SLC35F1: variants seen among roughly 807,000 people sequenced by gnomAD.
SLC35F1 encodes solute carrier family 35 member F1, also known as chromosome 6 open reading frame 169.
Under a neutral mutation model 48.7 loss-of-function variants are expected in SLC35F1, and 14 were observed. The observed-to-expected ratio is 0.29, with a 90% CI of 0.19 to 0.45. The LOEUF (loss-of-function observed/expected upper bound fraction) is 0.45, where lower values mean the gene tolerates loss of function less well. Ranked by LOEUF, SLC35F1 falls within the 20% of genes least tolerant of loss-of-function variation. The pLI is 1.00. For synonymous variants in SLC35F1, 190 were observed against 202.2 expected (o/e 0.94, Z 0.51); for missense variants, 404 against 500.0 (o/e 0.81, Z 1.83).
At chr6:118,072,368 T>G (rs977657069) in intron 1 of SLC35F1, among the ~76,000 whole-genome samples, 2 of 151,988 alleles carry the variant, frequency 1.3e-5, no homozygotes, top group Non-Finnish European at 2.9e-5. Context: ...ATCGAGACCA[T>G]CCTGGCTAAC....
intron 1 of SLC35F1, among the ~76,000 whole-genome samples, chr6:117,966,388 C>A (rs531003235): frequency 6.6e-6 from 1 of 151,776 alleles, no homozygotes; most frequent in Non-Finnish European, 1.5e-5. Context: ...CTGTAACACT[C>A]GCCGCGAAGA....
chr6:118,003,506 C>G (rs138265654), intron 1 of SLC35F1, among the ~76,000 whole-genome samples: 87 of 152,274 alleles, frequency 5.7e-4, no homozygotes, highest in African/African-American at 2.0e-3. Flanking sequence ...TTATTGAGGT[C>G]TGGGCACTAA....
rs1467935461 is a variant in SLC35F1 at position 117,907,298 on chromosome 6, G to A, written c.-429G>A. ...AGCTTTCCGACCGAGCGGGGCACAGGCTGAGGCGGCGCCAGCACAACTGCC... is the reference window on the plus strand; with the variant it reads ...AGCTTTCCGACCGAGCGGGGCACAGACTGAGGCGGCGCCAGCACAACTGCC... On this transcript the variant is annotated 5_prime_UTR_variant, in exon 1 of 8. Transcript: ENST00000360388. Among the ~76,000 whole-genome samples, 1 of 150,950 alleles carries A rather than the reference G, an allele frequency of 6.6e-6. No homozygotes were observed. The highest frequency in any genetic ancestry group is 2.4e-5 in the African/African-American group (1 of 41,258).
chr6:118,008,589 T>C (rs1777205446), intron 1 of SLC35F1, among the ~76,000 whole-genome samples: 1 of 152,206 alleles, frequency 6.6e-6, no homozygotes, highest in Admixed American at 6.5e-5. Flanking sequence ...TATGGAGCCA[T>C]TTAATAATAT....
At chr6:118,098,753 T>C (rs947410445) in intron 1 of SLC35F1, among the ~76,000 whole-genome samples, 2 of 152,214 alleles carry the variant, frequency 1.3e-5, no homozygotes, top group Admixed American at 6.5e-5. Context: ...GATGTGGACT[T>C]TATGTATAAT....
Position 117,927,511 on chromosome 6 carries a change from GAGA to G in SLC35F1, c.173+19615_173+19617del, listed in dbSNP as rs1776044109. Among the ~76,000 whole-genome samples the G allele has an allele frequency of 3.3e-5, 5 of 152,160 alleles. No individual in the cohort carries two copies. The South Asian group carries it at 6.2e-4, about 19-fold the overall frequency. On this transcript the variant is annotated intron_variant, in intron 1 of 7. Coordinates refer to ENST00000360388, the MANE Select transcript of SLC35F1 (RefSeq NM_001029858.4). ...GCGTGTTGACCTCACAGGGCAGGGA[GAGA>G]AGGAGTCTTATCCCTGGGAGATGCT...
chr6:118,072,928 G>A (rs1053370332), intron 1 of SLC35F1, among the ~76,000 whole-genome samples: 8 of 152,164 alleles, frequency 5.3e-5, no homozygotes, highest in Non-Finnish European at 7.3e-5. Flanking sequence ...CTAATTGGAG[G>A]TGGAGTAGGG....
At chr6:118,172,022 A>G (rs1422816042) in intron 2 of SLC35F1, among the ~76,000 whole-genome samples, 1 of 152,180 alleles carries the variant, frequency 6.6e-6, no homozygotes, top group Non-Finnish European at 1.5e-5. Context: ...GGCTATTAAT[A>G]CTACCCAAGC....
At chr6:118,026,467 T>G (rs549823637) in intron 1 of SLC35F1, among the ~76,000 whole-genome samples, 2 of 152,358 alleles carry the variant, frequency 1.3e-5, no homozygotes, top group East Asian at 3.9e-4. Context: ...GAAAAAAGAC[T>G]ATTCTGACTT....
At chr6:118,000,445 A>G (rs1777074662) in intron 1 of SLC35F1, among the ~76,000 whole-genome samples, 1 of 152,206 alleles carries the variant, frequency 6.6e-6, no homozygotes, top group Non-Finnish European at 1.5e-5. Context: ...GATGGGACAT[A>G]TCTCAAAATA....
At chr6:117,963,790 A>T (rs1244739550) in intron 1 of SLC35F1, among the ~76,000 whole-genome samples, 1 of 151,588 alleles carries the variant, frequency 6.6e-6, no homozygotes, top group Non-Finnish European at 1.5e-5. Context: ...CCACCACTTT[A>T]TTTTTTTTAA....
At chr6:117,974,126 C>T (rs1776677493) in intron 1 of SLC35F1, among the ~76,000 whole-genome samples, 1 of 152,138 alleles carries the variant, frequency 6.6e-6, no homozygotes, top group Non-Finnish European at 1.5e-5. Context: ...CCCCAGTTTC[C>T]TCATCCATGA....
intron 2 of SLC35F1, among the ~76,000 whole-genome samples, chr6:118,210,296 A>G (rs1436230638): frequency 2.6e-5 from 4 of 152,168 alleles, no homozygotes; most frequent in Admixed American, 2.6e-4. Context: ...TAAATGTTTC[A>G]TGTTCGTCAT....
chr6:118,270,215 A>T (rs1775833388), intron 4 of SLC35F1, among the ~76,000 whole-genome samples: 1 of 152,188 alleles, frequency 6.6e-6, no homozygotes, highest in African/African-American at 2.4e-5. Context: ...ATTATAATTA[A>T]AGCAATTGCT....
At chr6:117,932,352 C>T (rs1776113563) in intron 1 of SLC35F1, among the ~76,000 whole-genome samples, 1 of 152,120 alleles carries the variant, frequency 6.6e-6, no homozygotes. Context: ...ATCTATATTT[C>T]AAGGTATAAG....
intron 1 of SLC35F1, among the ~76,000 whole-genome samples, chr6:118,054,901 C>T (rs142891000): frequency 0.014 from 2,201 of 152,178 alleles, 59 homozygotes; most frequent in African/African-American, 0.05. Context: ...CTCAGCCTCC[C>T]GAGTAGCTAG....
At chr6:118,312,822 G>C (rs776381364) in intron 7 of SLC35F1, among the ~76,000 whole-genome samples, 2 of 151,938 alleles carry the variant, frequency 1.3e-5, no homozygotes, top group African/African-American at 4.8e-5. Context: ...AGAATCTCTG[G>C]GTCATTTTCC....
chr6:118,043,112 A>G (rs1403538112), intron 1 of SLC35F1, among the ~76,000 whole-genome samples: 3 of 152,316 alleles, frequency 2.0e-5, no homozygotes, highest in South Asian at 4.1e-4. Context: ...TGTTCGCCAT[A>G]AGAAAACAGA....
intron 1 of SLC35F1, among the ~76,000 whole-genome samples, chr6:118,049,369 C>G (rs1327380213): frequency 6.6e-6 from 1 of 152,046 alleles, no homozygotes; most frequent in South Asian, 2.1e-4. Flanking sequence ...CAAATGGGAT[C>G]TAATTAAACT....
Sources: allele counts gnomAD v4.1 joint callset (sites outside exome capture counted in the v4.1 genomes callset), GRCh38; gene constraint gnomAD v4.1.1; transcripts MANE v1.5; gene names NCBI Gene and HGNC (gene_info 2026-07-23, HGNC 2026-07-21).